Variants in ARFGEF2 observed in about 807,000 individuals in gnomAD.
ARFGEF2 encodes brefeldin A-inhibited guanine nucleotide-exchange protein 2.
In ARFGEF2, 74 loss-of-function variants were observed where a neutral mutation model predicts 219.9. The ratio of observed to expected loss-of-function variants is 0.34; its 90% CI spans 0.28 to 0.41. The LOEUF is 0.41. ARFGEF2 is among the 10% of genes least tolerant of loss of function. The pLI is 1.00. For missense variants in ARFGEF2, 1,743 were observed against 2,218.3 expected, an observed-to-expected ratio of 0.79 and a Z score of 4.30; for synonymous variants, 733 against 799.2, an observed-to-expected ratio of 0.92 and a Z score of 1.40.
intron 2 of ARFGEF2, 31 bp downstream of exon 2, chr20:48,941,260 T>G (rs758123963): frequency 3.1e-6 from 5 of 1,610,532 alleles, no homozygotes; most frequent in Non-Finnish European, 4.2e-6. Flanking sequence ...CTTGCTGAGA[T>G]ACGGCATGAA....
chr20:49,032,026 C>T, intron 37 of ARFGEF2, 23 bp from the exon 38 acceptor site: 1 of 1,487,514 alleles, frequency 6.7e-7, no homozygotes. Context: ...TTTGATATGC[C>T]TCCCCCTCTC....
At chr20:49,006,861 A>C (rs1568733938) in intron 26 of ARFGEF2, among the ~76,000 whole-genome samples, 1 of 150,564 alleles carries the variant, frequency 6.6e-6, no homozygotes, top group Non-Finnish European at 1.5e-5. Flanking sequence ...TCTGTGAAAG[A>C]TGGAAGCCGT....
At chr20:49,017,093 TAAA>T (rs2091535376) in intron 31 of ARFGEF2, among the ~76,000 whole-genome samples, 153 bp from the exon 32 acceptor site, 1 of 152,130 alleles carries the variant, frequency 6.6e-6, no homozygotes, top group Non-Finnish European at 1.5e-5. Context: ...AAAATTTTAA[TAAA>T]AATTTTAATA....
intron 34 of ARFGEF2, among the ~76,000 whole-genome samples, chr20:49,021,871 C>T (rs1166562105): frequency 1.5e-4 from 20 of 137,440 alleles, no homozygotes; most frequent in South Asian, 4.6e-4. Flanking sequence ...GAATTGTTGG[C>T]GAGGCACAGT....
chr20:48,940,886 A>G (rs1183114904), intron 1 of ARFGEF2, among the ~76,000 whole-genome samples: 3 of 152,188 alleles, frequency 2.0e-5, no homozygotes, highest in Non-Finnish European at 4.4e-5. Context: ...CTTCATCCCC[A>G]AATGTCAGTG....
At chr20:49,024,574 A>T (rs745664803) in intron 35 of ARFGEF2, among the ~76,000 whole-genome samples, 4 of 152,228 alleles carry the variant, frequency 2.6e-5, no homozygotes, top group Non-Finnish European at 5.9e-5. Flanking sequence ...TGTTTTAAAT[A>T]CTAGCAAAAG....
In ARFGEF2 at chr20:49,035,767, G is replaced by T; in HGVS notation, c.*2568G>T. 9.7e-5 allele frequency: 15 copies of T among 155,280 alleles called. No homozygotes were observed. The highest frequency in any genetic ancestry group is 1.8e-4 in the Non-Finnish European group (13 of 70,568). The allele number at this position is 155,280 out of a possible 1,614,324, so 9.6% of individuals were successfully genotyped here. ...TTATTTGTTACAATACTGCTGCTTT[G>T]AGCAATTTTGTTTCTCTTCATTGTC... On this transcript the variant is annotated 3_prime_UTR_variant, in exon 39 of 39. Coordinates refer to ENST00000371917, the MANE Select transcript of ARFGEF2 (RefSeq NM_006420.3).
At chr20:48,999,007 A>G (rs955786106) in intron 25 of ARFGEF2, among the ~76,000 whole-genome samples, 4 of 151,346 alleles carry the variant, frequency 2.6e-5, no homozygotes, top group Non-Finnish European at 4.4e-5. Context: ...AGAGGCCAAG[A>G]TGGGCAGATC....
Position 49,035,762 on chromosome 20 carries a change from G to C in ARFGEF2, c.*2563G>C, listed in dbSNP as rs1199639849. 6.4e-6 allele frequency: 1 copy of C among 157,238 alleles called. No individual in the cohort carries two copies. The highest frequency in any genetic ancestry group is 1.4e-5 in the Non-Finnish European group (1 of 71,644). 9.7% of individuals were successfully genotyped at this position (157,238 alleles called of 1,614,324 possible). ...AGTTTTTATTTGTTACAATACTGCTGCTTTGAGCAATTTTGTTTCTCTTCA... is the reference window on the plus strand; with the variant it reads ...AGTTTTTATTTGTTACAATACTGCTCCTTTGAGCAATTTTGTTTCTCTTCA... On this transcript the variant is annotated 3_prime_UTR_variant, in exon 39 of 39. Transcript: ENST00000371917.
intron 6 of ARFGEF2, among the ~76,000 whole-genome samples, chr20:48,957,810 C>G (rs1012279715): frequency 6.6e-6 from 1 of 152,136 alleles, no homozygotes; most frequent in East Asian, 1.9e-4. Flanking sequence ...TGCTGGTATT[C>G]GGGCTTTCTG....
intron 12 of ARFGEF2, 63 bp downstream of exon 12, chr20:48,973,347 G>C: frequency 6.4e-7 from 1 of 1,559,642 alleles, no homozygotes; most frequent in Non-Finnish European, 8.8e-7. Flanking sequence ...CATTTATTGA[G>C]TGCCACCACA....
At position 48,997,647 on chromosome 20, in the gene ARFGEF2, C is replaced by T. The variant is rs371468560; in HGVS notation, c.3222-546C>T. 2.0e-5 allele frequency among the ~76,000 whole-genome samples: 3 copies of T among 152,150 alleles called. No homozygotes were observed. In the East Asian group the frequency reaches 5.8e-4, roughly 29 times the overall value. On this transcript the variant is annotated intron_variant, in intron 23 of 38. Coordinates refer to ENST00000371917, the MANE Select transcript of ARFGEF2 (RefSeq NM_006420.3). The stretch of plus-strand genomic sequence containing the variant: ...TCTGCTTTCAACTCAGTTCACTTTC[C>T]TTGAACCGTTCTATACTTGTAATAC...
At chr20:48,923,458 T>C (rs1045149326) in intron 1 of ARFGEF2, among the ~76,000 whole-genome samples, 2 of 152,310 alleles carry the variant, frequency 1.3e-5, no homozygotes, top group East Asian at 1.9e-4. Flanking sequence ...GGGCCAACTA[T>C]TGATGCAGAG....
intron 26 of ARFGEF2, among the ~76,000 whole-genome samples, chr20:49,007,514 C>G (rs891049541): frequency 5.9e-5 from 9 of 151,724 alleles, no homozygotes; most frequent in African/African-American, 2.2e-4. Flanking sequence ...GTCTCAAACC[C>G]CTGACCTCAA....
chr20:49,026,584 C>CTT (rs540361594), intron 36 of ARFGEF2, among the ~76,000 whole-genome samples: 31 of 131,504 alleles, frequency 2.4e-4, no homozygotes, highest in Middle Eastern at 4.0e-3. Context: ...TTTACCATTA[C>CTT]TTTTTTTTTT....
chr20:48,984,901 C>G, intron 15 of ARFGEF2, 61 bp downstream of exon 15: 1 of 1,611,170 alleles, frequency 6.2e-7, no homozygotes, highest in Non-Finnish European at 8.5e-7. Context: ...GAGCCCTTAC[C>G]AGTTTTAACC....
rs546856311 is a variant in ARFGEF2 at position 49,033,745 on chromosome 20, T to G, written c.*546T>G. 1 of 153,074 alleles carries G rather than the reference T, an allele frequency of 6.5e-6. No individual in the cohort carries two copies. The highest frequency in any genetic ancestry group is 2.1e-4 in the South Asian group (1 of 4,874). The allele number at this position is 153,074 out of a possible 1,614,324, so 9.5% of individuals were successfully genotyped here. A position where few individuals can be genotyped will look rare whatever the true frequency, so the allele number is the denominator to read the frequency against. On this transcript the variant is annotated 3_prime_UTR_variant, in exon 39 of 39. Transcript: ENST00000371917. ...GGACAGGTCAGGATTAGAGAAGAGTTGTTTTTGTGTTTTGTTAATGTCTGA... is the reference window on the plus strand; with the variant it reads ...GGACAGGTCAGGATTAGAGAAGAGTGGTTTTTGTGTTTTGTTAATGTCTGA...
intron 1 of ARFGEF2, among the ~76,000 whole-genome samples, chr20:48,938,095 G>A (rs541936369): frequency 2.6e-5 from 4 of 152,290 alleles, no homozygotes; most frequent in Non-Finnish European, 5.9e-5. Flanking sequence ...CTGGGTTTAA[G>A]TCCCATCTCC....
intron 3 of ARFGEF2, among the ~76,000 whole-genome samples, chr20:48,942,644 C>T (rs1018184146): frequency 1.3e-5 from 2 of 151,866 alleles, no homozygotes; most frequent in African/African-American, 2.4e-5. Flanking sequence ...GCCACCAAGC[C>T]CGGCTAATTT....
Sources: gnomAD v4.1 joint callset for allele counts (sites outside exome capture counted in the v4.1 genomes callset) on GRCh38, gnomAD v4.1.1 for gene constraint, MANE v1.5 for transcripts, NCBI Gene and HGNC (gene_info 2026-07-23, HGNC 2026-07-21) for gene names.